The following C2orf49 variants were observed in gnomAD, a reference collection of about 807,000 sequenced individuals.
The protein encoded by C2orf49 is tRNA splicing ligase complex subunit 2, also known as tRNA-splicing ligase complex subunit ASW.
Under a neutral mutation model 20.6 loss-of-function variants are expected in C2orf49, and 11 were observed. That is an observed-to-expected ratio of 0.53 (90% CI 0.34 to 0.88). The LOEUF (loss-of-function observed/expected upper bound fraction) is 0.88, where lower values mean the gene tolerates loss of function less well. C2orf49 is among the 40% of genes least tolerant of loss of function. The pLI is 0.02. For synonymous variants in C2orf49, 134 were observed against 108.5 expected (o/e 1.24, Z -1.46); for missense variants, 289 against 274.2 (o/e 1.05, Z -0.38).
At chr2:105,384,623 T>C in the C2orf49 span, among the ~76,000 whole-genome samples, 1 of 152,192 alleles carries the variant, frequency 6.6e-6, no homozygotes, top group Non-Finnish European at 1.5e-5. Context: ...TTCTCGTGCC[T>C]CAGCCTCTCA....
the C2orf49 span, among the ~76,000 whole-genome samples, chr2:105,355,501 T>C: frequency 6.6e-6 from 1 of 152,084 alleles, no homozygotes; most frequent in Non-Finnish European, 1.5e-5. Context: ...AAGAAAACAG[T>C]GGACCCAGTG....
chr2:105,361,150 A>G, the C2orf49 span: 8 of 882,784 alleles, frequency 9.1e-6, no homozygotes, highest in East Asian at 2.0e-4. Flanking sequence ...AGCAAACGTG[A>G]GTATCACTGA....
chr2:105,361,089 G>A, the C2orf49 span: 852 of 477,284 alleles, frequency 1.8e-3, 21 homozygotes, highest in East Asian at 0.026. Flanking sequence ...GGCCTAGGGC[G>A]AGTTTTCTCT....
chr2:105,352,226 C>A (rs1256973888), downstream of C2orf49, among the ~76,000 whole-genome samples: 1 of 152,124 alleles, frequency 6.6e-6, no homozygotes, highest in Non-Finnish European at 1.5e-5. Flanking sequence ...TAAGTCATAT[C>A]ATTTAAGATA....
the C2orf49 span, among the ~76,000 whole-genome samples, chr2:105,381,847 A>G: frequency 6.6e-6 from 1 of 152,132 alleles, no homozygotes; most frequent in Admixed American, 6.6e-5. Flanking sequence ...GGCAGGCTGG[A>G]CCCTGAGAAT....
chr2:105,363,571 A>G, the C2orf49 span: 1 of 1,151,110 alleles, frequency 8.7e-7, no homozygotes. Context: ...TCATCCAGAA[A>G]CGTCCAGTTT....
At chr2:105,350,607 TAACA>T (rs1403759756), downstream of C2orf49, among the ~76,000 whole-genome samples, 2 of 152,364 alleles carry the variant, frequency 1.3e-5, no homozygotes, top group Middle Eastern at 3.4e-3. Flanking sequence ...CTTCTTTGAC[TAACA>T]AACATTTAGG....
intron 2 of C2orf49, among the ~76,000 whole-genome samples, chr2:105,341,545 A>C (rs1207162886): frequency 6.6e-6 from 1 of 152,236 alleles, no homozygotes; most frequent in Non-Finnish European, 1.5e-5. Flanking sequence ...TGAATCTTAG[A>C]TTAAGCAAGC....
chr2:105,352,256 A>G (rs1357769267), downstream of C2orf49, among the ~76,000 whole-genome samples: 1 of 152,116 alleles, frequency 6.6e-6, no homozygotes, highest in African/African-American at 2.4e-5. Flanking sequence ...TTTTGTTTTA[A>G]TGAAAAAGAA....
chr2:105,366,640 TGG>T, the C2orf49 span, among the ~76,000 whole-genome samples: 4 of 152,236 alleles, frequency 2.6e-5, no homozygotes, highest in Non-Finnish European at 4.4e-5. Flanking sequence ...GGGGGGCAAC[TGG>T]GCAGAGAGAT....
rs1679815350 is a variant in C2orf49 at position 105,346,532 on chromosome 2, G to A, written c.*1161G>A. On this transcript the variant is annotated 3_prime_UTR_variant, in exon 4 of 4. Coordinates refer to ENST00000258457, the MANE Select transcript of C2orf49 (RefSeq NM_024093.3). The stretch of plus-strand genomic sequence containing the variant: ...GTCTTCAGGCAGAGTAATCATGTTA[G>A]AGGTGGTATTCGATGGAAGAAAGTT... 6.6e-6 allele frequency: 1 copy of A among 152,358 alleles called. No homozygotes were observed. Among genetic ancestry groups the A allele is most frequent in the Non-Finnish European group, 1.5e-5 (1 of 68,040 alleles). 9.4% of individuals were successfully genotyped at this position (152,358 alleles called of 1,614,324 possible). A position where few individuals can be genotyped will look rare whatever the true frequency, so the allele number is the denominator to read the frequency against.
the C2orf49 span, among the ~76,000 whole-genome samples, chr2:105,370,102 G>T: frequency 2.0e-5 from 3 of 152,198 alleles, no homozygotes; most frequent in South Asian, 6.2e-4. Flanking sequence ...GGCTGGCTGC[G>T]GTGCCTCAGC....
chr2:105,356,157 G>A, the C2orf49 span, among the ~76,000 whole-genome samples: 2 of 152,206 alleles, frequency 1.3e-5, no homozygotes, highest in African/African-American at 2.4e-5. Flanking sequence ...TTGGGAGGTC[G>A]AGATGGGTGG....
the C2orf49 span, among the ~76,000 whole-genome samples, chr2:105,356,538 G>A: frequency 2.0e-5 from 3 of 152,146 alleles, no homozygotes; most frequent in Non-Finnish European, 4.4e-5. Flanking sequence ...TCATGCCACT[G>A]CACTCCAGCC....
the C2orf49 span, among the ~76,000 whole-genome samples, chr2:105,370,274 C>T: frequency 6.6e-6 from 1 of 151,722 alleles, no homozygotes; most frequent in Non-Finnish European, 1.5e-5. Flanking sequence ...ACGTAGGAGG[C>T]TGAGGTGGGA....
the C2orf49 span, chr2:105,363,271 C>T: frequency 1.2e-6 from 2 of 1,613,190 alleles, no homozygotes; most frequent in South Asian, 1.1e-5. Context: ...AAATGGGAAC[C>T]CCGGGACACT....
the C2orf49 span, among the ~76,000 whole-genome samples, chr2:105,361,640 A>C: frequency 3.9e-5 from 6 of 152,236 alleles, no homozygotes; most frequent in African/African-American, 1.4e-4. Context: ...CAGAAGAGAT[A>C]TATAAACTGG....
At chr2:105,365,988 T>C in the C2orf49 span, among the ~76,000 whole-genome samples, 187 of 152,198 alleles carry the variant, frequency 1.2e-3, 2 homozygotes, top group Middle Eastern at 3.4e-3. Flanking sequence ...GTCGATCACC[T>C]GAGGTCAGGA....
At chr2:105,357,117 A>G in the C2orf49 span, among the ~76,000 whole-genome samples, 3 of 152,078 alleles carry the variant, frequency 2.0e-5, no homozygotes, top group African/African-American at 7.2e-5. Context: ...CTGACTAGTC[A>G]TGAACTCTGA....
Sources: allele counts gnomAD v4.1 joint callset (sites outside exome capture counted in the v4.1 genomes callset), GRCh38; gene constraint gnomAD v4.1.1; transcripts MANE v1.5; gene names NCBI Gene and HGNC (gene_info 2026-07-23, HGNC 2026-07-21).